Variants in PDGFC observed in about 807,000 individuals in gnomAD.
PDGFC encodes platelet-derived growth factor C.
PDGFC carries 12 observed loss-of-function variants against 35.5 expected under a neutral mutation model. That is an observed-to-expected ratio of 0.34 (90% CI 0.22 to 0.55). PDGFC has a LOEUF of 0.55. Among genes scored for constraint, PDGFC ranks in the 20% least tolerant of loss-of-function variants. The pLI, the probability that PDGFC is intolerant of heterozygous loss-of-function variation, is 0.91. For synonymous variants in PDGFC, 159 were observed against 148.8 expected (o/e 1.07, Z -0.50); for missense variants, 322 against 412.4 (o/e 0.78, Z 1.90).
intron 5 of PDGFC, among the ~76,000 whole-genome samples, chr4:156,764,470 C>G (rs545201662): frequency 6.6e-6 from 1 of 152,070 alleles, no homozygotes; most frequent in Non-Finnish European, 1.5e-5. Context: ...AGTGACACAG[C>G]CTTTATTTGT....
chr4:156,782,546 C>G (rs1192330361), intron 3 of PDGFC, among the ~76,000 whole-genome samples: 1 of 152,024 alleles, frequency 6.6e-6, no homozygotes, highest in Non-Finnish European at 1.5e-5. Context: ...CTGTGACATC[C>G]CTATTCTGCC....
chr4:156,870,057 T>C (rs950822347), intron 1 of PDGFC, among the ~76,000 whole-genome samples: 2 of 152,066 alleles, frequency 1.3e-5, no homozygotes, highest in African/African-American at 4.8e-5. Flanking sequence ...TAAATATCAC[T>C]TACTGTAAGG....
intron 1 of PDGFC, among the ~76,000 whole-genome samples, chr4:156,872,501 A>G (rs571832548): frequency 3.9e-5 from 6 of 152,190 alleles, no homozygotes; most frequent in Non-Finnish European, 8.8e-5. Context: ...GACCCTTAGT[A>G]CACACTCCTC....
intron 1 of PDGFC, among the ~76,000 whole-genome samples, chr4:156,938,752 A>T (rs1220236111): frequency 6.6e-6 from 1 of 151,838 alleles, no homozygotes; most frequent in Non-Finnish European, 1.5e-5. Context: ...TCAAAAGGAA[A>T]AATCTAAAAG....
chr4:156,814,833 C>T (rs140031543), intron 2 of PDGFC, among the ~76,000 whole-genome samples: 1 of 152,176 alleles, frequency 6.6e-6, no homozygotes, highest in East Asian at 1.9e-4. Flanking sequence ...AATATCTTAA[C>T]TTTTGCCTTC....
chr4:156,888,982 T>C (rs1430000596), intron 1 of PDGFC, among the ~76,000 whole-genome samples: 2 of 152,196 alleles, frequency 1.3e-5, no homozygotes, highest in African/African-American at 4.8e-5. Context: ...GATTCATGGT[T>C]TGTAACAATT....
chr4:156,825,597 A>AAGAAGAAGAAGAAGAAGAAGAAGG (rs1732439601), intron 2 of PDGFC, among the ~76,000 whole-genome samples: 1 of 82,754 alleles, frequency 1.2e-5, no homozygotes, highest in African/African-American at 4.8e-5. Context: ...TAATAATAAG[A>AAGAAGAAGAAGAAGAAGAAGAAGG]AGAAGAAGAA....
At chr4:156,967,350 C>T (rs1482823121) in intron 1 of PDGFC, 2 of 152,110 alleles carry the variant, frequency 1.3e-5, no homozygotes, top group Admixed American at 1.3e-4. Flanking sequence ...AATCCATAAA[C>T]ACAAGATACC....
intron 2 of PDGFC, chr4:156,841,277 C>T (rs1560836401): frequency 6.6e-6 from 1 of 152,198 alleles, no homozygotes; most frequent in Non-Finnish European, 1.5e-5. Context: ...GGGGTGGTTG[C>T]CCTCATGCTG....
At position 156,920,677 on chromosome 4, in the gene PDGFC, A is replaced by G. The variant is rs1319875316; in HGVS notation, c.118+50109T>C. Among the ~76,000 whole-genome samples the G allele has an allele frequency of 2.6e-5, 4 of 151,250 alleles. No homozygotes were observed. The East Asian group carries it at 7.7e-4, about 29-fold the overall frequency. On this transcript the variant is annotated intron_variant, in intron 1 of 5. Transcript: ENST00000502773. ...CACACACACACACACACACACACAC[A>G]CACACACACACACATATACACACAC...
At chr4:156,774,090 C>T (rs768163699) in intron 3 of PDGFC, among the ~76,000 whole-genome samples, 9 of 152,212 alleles carry the variant, frequency 5.9e-5, no homozygotes, top group Non-Finnish European at 1.0e-4. Context: ...ATTACTGATC[C>T]TATGATGAAT....
In PDGFC at chr4:156,765,151, G is replaced by T. The variant is rs77986294; in HGVS notation, c.922-1945C>A. Among the ~76,000 whole-genome samples the T allele has an allele frequency of 6.8e-3, 1,032 of 152,260 alleles. 15 individuals carry two copies. Among genetic ancestry groups the T allele is most frequent in the African/African-American group, 0.024 (994 of 41,542 alleles). On this transcript the variant is annotated intron_variant, in intron 5 of 5. Transcript: ENST00000502773. ...TTCTAGAAACTTAAGTCCTGGATAA[G>T]AAATTCTAATGGTGGAGGACACAAT...
At chr4:156,919,487 A>AT (rs200779878) in intron 1 of PDGFC, among the ~76,000 whole-genome samples, 1,252 of 7,134 alleles carry the variant, frequency 0.18, 27 homozygotes, top group African/African-American at 0.21. Context: ...TCTCACACGC[A>AT]TTTTTTCCTA....
intron 3 of PDGFC, among the ~76,000 whole-genome samples, chr4:156,795,109 G>T (rs994905724): frequency 7.2e-5 from 11 of 152,122 alleles, no homozygotes; most frequent in African/African-American, 1.7e-4. Context: ...AGAGACACTT[G>T]TATTTGTTCC....
At chr4:156,815,365 CA>C (rs1472608698) in intron 2 of PDGFC, among the ~76,000 whole-genome samples, 10 of 145,624 alleles carry the variant, frequency 6.9e-5, no homozygotes, top group Non-Finnish European at 9.0e-5. Flanking sequence ...CACACACACA[CA>C]CCCCGTTGTC....
chr4:156,878,993 A>T (rs967786373), intron 1 of PDGFC, among the ~76,000 whole-genome samples: 2 of 152,158 alleles, frequency 1.3e-5, no homozygotes, highest in Admixed American at 6.5e-5. Flanking sequence ...AAATCTTCTC[A>T]ACCATTTGCT....
At chr4:156,766,792 T>C (rs1205825247) in intron 5 of PDGFC, among the ~76,000 whole-genome samples, 2 of 152,080 alleles carry the variant, frequency 1.3e-5, no homozygotes, top group Non-Finnish European at 2.9e-5. Flanking sequence ...CAATATTGTG[T>C]TGGCAATTGA....
chr4:156,813,922 G>A (rs1421527288), intron 2 of PDGFC, among the ~76,000 whole-genome samples: 1 of 152,058 alleles, frequency 6.6e-6, no homozygotes, highest in Admixed American at 6.6e-5. Context: ...GTCAGCTCCA[G>A]CAAAGGAGAT....
intron 1 of PDGFC, among the ~76,000 whole-genome samples, chr4:156,882,865 A>G (rs1043838202): frequency 6.6e-6 from 1 of 152,120 alleles, no homozygotes; most frequent in Non-Finnish European, 1.5e-5. Context: ...CAGGCAGATC[A>G]TAAGGTCAGG....
Sources: allele counts gnomAD v4.1 joint callset (sites outside exome capture counted in the v4.1 genomes callset), GRCh38; gene constraint gnomAD v4.1.1; transcripts MANE v1.5; gene names NCBI Gene and HGNC (gene_info 2026-07-23, HGNC 2026-07-21).